Variants in EEFSEC observed in about 807,000 individuals in gnomAD.
EEFSEC encodes eukaryotic elongation factor, selenocysteine-tRNA specific.
Under a neutral mutation model 42.1 loss-of-function variants are expected in EEFSEC, and 43 were observed. The ratio of observed to expected loss-of-function variants is 1.02; its 90% CI spans 0.80 to 1.32. The LOEUF (loss-of-function observed/expected upper bound fraction) is 1.32. EEFSEC is among the 40% of genes most tolerant of loss of function. EEFSEC has a pLI of 0.00. For missense variants in EEFSEC, 745 were observed against 803.6 expected, an observed-to-expected ratio of 0.93 and a Z score of 0.88; for synonymous variants, 354 against 339.1, an observed-to-expected ratio of 1.04 and a Z score of -0.48.
In EEFSEC at chr3:128,392,559, C is replaced by T. The variant is rs114170134; in HGVS notation, c.1601-15510C>T. Among the ~76,000 whole-genome samples, 756 of 152,366 alleles carry T rather than the reference C, an allele frequency of 5.0e-3. 6 individuals are homozygous for T. The highest frequency in any genetic ancestry group is 8.4e-3 in the Non-Finnish European group (572 of 68,032). ...CCATGGGCCGAGGCACGCGGCATCT[C>T]GCTTAGGGCCTAGCTGTCATGGGCA... On this transcript the variant is annotated intron_variant, in intron 6 of 6. Coordinates refer to ENST00000254730, the MANE Select transcript of EEFSEC (RefSeq NM_021937.5).
At chr3:128,203,783 C>A (rs1473469613) in intron 1 of EEFSEC, among the ~76,000 whole-genome samples, 1 of 152,180 alleles carries the variant, frequency 6.6e-6, no homozygotes, top group African/African-American at 2.4e-5. Context: ...TTGATACCAC[C>A]TATCTTATTG....
At chr3:128,389,946 C>T (rs2067888074) in intron 6 of EEFSEC, among the ~76,000 whole-genome samples, 1 of 152,212 alleles carries the variant, frequency 6.6e-6, no homozygotes, top group Non-Finnish European at 1.5e-5. Flanking sequence ...GCAGGGGTGG[C>T]TGAGTTGGCA....
intron 4 of EEFSEC, among the ~76,000 whole-genome samples, chr3:128,334,463 C>T (rs2067168349): frequency 1.3e-5 from 2 of 152,232 alleles, no homozygotes; most frequent in Non-Finnish European, 2.9e-5. Context: ...AGAGCTGAGG[C>T]CGTGGAACAT....
rs2066957720 is a variant in EEFSEC, at chr3:128,317,321, C to A, written c.787-23912C>A. On this transcript the variant is annotated intron_variant, in intron 4 of 6. Coordinates refer to ENST00000254730, the MANE Select transcript of EEFSEC (RefSeq NM_021937.5). The surrounding 1 kb of genome is among the most constrained non-coding windows in gnomAD (Gnocchi z 4.1). ...GGTGTGCTCACATGCAGTGCGTCCC[C>A]AGACTTGTAAGCCTGGCCTGTTCTC... Among the ~76,000 whole-genome samples, 1 of 152,220 alleles carries A rather than the reference C, an allele frequency of 6.6e-6. No individual in the cohort carries two copies. Among genetic ancestry groups the A allele is most frequent in the Admixed American group, 6.5e-5 (1 of 15,288 alleles).
chr3:128,273,876 T>A (rs1239190189), intron 4 of EEFSEC, among the ~76,000 whole-genome samples: 1 of 152,202 alleles, frequency 6.6e-6, no homozygotes. Flanking sequence ...TTTATAGAGA[T>A]GCCAGCTCAG....
At chr3:128,202,176 G>A (rs1294519108) in intron 1 of EEFSEC, among the ~76,000 whole-genome samples, 1 of 151,970 alleles carries the variant, frequency 6.6e-6, no homozygotes, top group Non-Finnish European at 1.5e-5. Context: ...TTGATCCTTT[G>A]TAGTTCCATA....
At chr3:128,154,770 A>G (rs1470860748) in intron 1 of EEFSEC, among the ~76,000 whole-genome samples, 1 of 152,158 alleles carries the variant, frequency 6.6e-6, no homozygotes, top group East Asian at 1.9e-4. Context: ...TTTCTGAACA[A>G]ATCTTTTAAT....
intron 1 of EEFSEC, among the ~76,000 whole-genome samples, chr3:128,185,203 G>A (rs2065452376): frequency 6.6e-6 from 1 of 152,074 alleles, no homozygotes; most frequent in Non-Finnish European, 1.5e-5. Flanking sequence ...TTTGATTATA[G>A]GGAATGGCCC....
At chr3:128,371,558 G>A (rs1191609372) in intron 6 of EEFSEC, among the ~76,000 whole-genome samples, 4 of 152,164 alleles carry the variant, frequency 2.6e-5, no homozygotes, top group African/African-American at 9.7e-5. Flanking sequence ...TGGTGTGCAG[G>A]GAGGAACACA....
chr3:128,286,703 T>G (rs992839213), intron 4 of EEFSEC, among the ~76,000 whole-genome samples: 1 of 152,192 alleles, frequency 6.6e-6, no homozygotes, highest in Non-Finnish European at 1.5e-5. Flanking sequence ...CCTGACACCT[T>G]CTATAGGAGA....
At chr3:128,285,263 G>A (rs919001020) in intron 4 of EEFSEC, among the ~76,000 whole-genome samples, 4 of 152,146 alleles carry the variant, frequency 2.6e-5, no homozygotes, top group African/African-American at 9.7e-5. Context: ...CCATGTGTGG[G>A]GAAGAAGGTG....
intron 4 of EEFSEC, among the ~76,000 whole-genome samples, chr3:128,283,867 A>G (rs550818223): frequency 6.6e-6 from 1 of 152,284 alleles, no homozygotes; most frequent in African/African-American, 2.4e-5. Context: ...CTAAATCAGC[A>G]CCCGCCCAAA....
At chr3:128,287,396 TA>T (rs1302263617) in intron 4 of EEFSEC, among the ~76,000 whole-genome samples, 3 of 152,086 alleles carry the variant, frequency 2.0e-5, no homozygotes, top group Non-Finnish European at 2.9e-5. Flanking sequence ...CAAACTGTAC[TA>T]AATGGGAGAG....
intron 1 of EEFSEC, among the ~76,000 whole-genome samples, chr3:128,241,690 G>A (rs1258918072): frequency 6.6e-6 from 1 of 152,200 alleles, no homozygotes; most frequent in Non-Finnish European, 1.5e-5. Flanking sequence ...GGTAAGAGGA[G>A]ATGAAGACAT....
intron 4 of EEFSEC, among the ~76,000 whole-genome samples, chr3:128,271,012 A>G (rs1559895560): frequency 6.6e-6 from 1 of 152,242 alleles, no homozygotes; most frequent in Non-Finnish European, 1.5e-5. Context: ...GGTGAAAGGA[A>G]TAATAGGAAA....
intron 1 of EEFSEC, among the ~76,000 whole-genome samples, chr3:128,201,588 A>T (rs557366644): frequency 6.6e-6 from 1 of 152,334 alleles, no homozygotes; most frequent in Admixed American, 6.5e-5. Context: ...GTTGAGTTAT[A>T]GGAGTTCTTT....
chr3:128,399,104 A>AAAT (rs1217340214), intron 6 of EEFSEC, among the ~76,000 whole-genome samples: 41 of 112,340 alleles, frequency 3.6e-4, no homozygotes, highest in African/African-American at 1.8e-3. Context: ...ATAAATAAAT[A>AAAT]AAATAAAAAA....
intron 1 of EEFSEC, among the ~76,000 whole-genome samples, chr3:128,226,441 C>T (rs911318677): frequency 6.6e-6 from 1 of 152,148 alleles, no homozygotes; most frequent in African/African-American, 2.4e-5. Context: ...CCTTTTCTAA[C>T]AAAGCTCGAG....
At chr3:128,204,189 A>G (rs2065669639) in intron 1 of EEFSEC, among the ~76,000 whole-genome samples, 1 of 152,232 alleles carries the variant, frequency 6.6e-6, no homozygotes, top group South Asian at 2.1e-4. Context: ...TCCTGGCTCC[A>G]TCACTTGCTT....
Sources: gnomAD v4.1 joint callset for allele counts (sites outside exome capture counted in the v4.1 genomes callset) on GRCh38, gnomAD v4.1.1 for gene constraint, Gnocchi (gnomAD v3.1) non-coding constraint, MANE v1.5 for transcripts, NCBI Gene and HGNC (gene_info 2026-07-23, HGNC 2026-07-21) for gene names.